CAPS2: variants seen among roughly 807,000 people sequenced by gnomAD.
CAPS2 encodes calcyphosin-2.
CAPS2 carries 98 observed loss-of-function variants against 86.5 expected under a neutral mutation model. That is an observed-to-expected ratio of 1.13 (90% CI 0.96 to 1.34). CAPS2 has a LOEUF of 1.34. Ranked by LOEUF, CAPS2 falls within the 40% of genes most tolerant of loss-of-function variation. The pLI is 0.00. For synonymous variants in CAPS2, 210 were observed against 225.1 expected, an observed-to-expected ratio of 0.93 and a Z score of 0.60; for missense variants, 729 against 686.8, an observed-to-expected ratio of 1.06 and a Z score of -0.69.
At chr12:75,292,089 C>T (rs1044153223) in intron 12 of CAPS2, among the ~76,000 whole-genome samples, 1 of 152,082 alleles carries the variant, frequency 6.6e-6, no homozygotes, top group Non-Finnish European at 1.5e-5. Flanking sequence ...GTTTTTGAGA[C>T]AGAGTCTCGC....
intron 14 of CAPS2, 93 bp from the exon 15 acceptor site, chr12:75,285,173 C>T: frequency 8.4e-7 from 1 of 1,190,784 alleles, no homozygotes; most frequent in East Asian, 2.6e-5. Context: ...CTTCTGTAGT[C>T]CTAGATATAA....
At chr12:75,389,237 ATGATTCATC>A (rs1422826718) in intron 1 of CAPS2, among the ~76,000 whole-genome samples, 2 of 152,224 alleles carry the variant, frequency 1.3e-5, no homozygotes, top group East Asian at 3.8e-4. Flanking sequence ...TAACTGTTTG[ATGATTCATC>A]TGTGTCACCT....
At chr12:75,307,921 A>G (rs1169451556) in intron 7 of CAPS2, among the ~76,000 whole-genome samples, 1 of 152,182 alleles carries the variant, frequency 6.6e-6, no homozygotes, top group Non-Finnish European at 1.5e-5. Flanking sequence ...CCTAAGGTCC[A>G]TTCACACTGA....
chr12:75,277,661 G>A (rs1424682717), exon 17 of CAPS2: 2 of 983,730 alleles, frequency 2.0e-6, no homozygotes, highest in Non-Finnish European at 2.4e-6. Context: ...GGGTTCACAT[G>A]TATCACACTT....
rs61148076 is a variant in CAPS2 at position 75,337,024 on chromosome 12, A to G, written c.-394-13802T>C. ...AAATGGTCCATAAGTTAAAGAATAA[A>G]TAATAATAGAGATTACTATAATTTA... On this transcript the variant is annotated intron_variant, in intron 1 of 5. Coordinates refer to the CAPS2 transcript ENST00000551829. Among the ~76,000 whole-genome samples, 62 of 151,960 alleles carry G rather than the reference A, an allele frequency of 4.1e-4. No homozygotes were observed. The East Asian group carries it at 0.01, about 25-fold the overall frequency.
At chr12:75,282,960 T>C (rs181566258) in intron 15 of CAPS2, among the ~76,000 whole-genome samples, 2 of 152,194 alleles carry the variant, frequency 1.3e-5, no homozygotes, top group East Asian at 1.9e-4. Context: ...ACTGAAGAGA[T>C]GGGTAAAAGA....
chr12:75,288,024 C>T (rs2035203049), intron 14 of CAPS2, among the ~76,000 whole-genome samples: 2 of 152,166 alleles, frequency 1.3e-5, no homozygotes, highest in African/African-American at 4.8e-5. Flanking sequence ...GTGGAACCCC[C>T]ACAAGCATTT....
intron 12 of CAPS2, among the ~76,000 whole-genome samples, chr12:75,293,031 A>G (rs1290628462): frequency 6.6e-6 from 1 of 152,090 alleles, no homozygotes; most frequent in Non-Finnish European, 1.5e-5. Context: ...ATAAAATTGA[A>G]TATTTTCAAA....
chr12:75,306,254 C>CT (rs2038480704), intron 7 of CAPS2: 2 of 638,192 alleles, frequency 3.1e-6, no homozygotes, highest in South Asian at 3.5e-5. Context: ...CATGGAGTTC[C>CT]TGGCCAGGCA....
chr12:75,297,648 C>T (rs1222369494), intron 11 of CAPS2, among the ~76,000 whole-genome samples: 2 of 152,142 alleles, frequency 1.3e-5, no homozygotes, highest in South Asian at 4.1e-4. Flanking sequence ...CCAGTGACTC[C>T]CCAATACATG....
Position 75,366,749 on chromosome 12 carries a change from T to A in CAPS2, c.-395+24089A>T. On this transcript the variant is annotated intron_variant, in intron 1 of 5. Transcript: ENST00000551829. ...GGGTGAGACTGCAGTGTTTTACCAATGAGTCATTTCCACGCTCTTATGTGT... is the reference window on the plus strand; with the variant it reads ...GGGTGAGACTGCAGTGTTTTACCAAAGAGTCATTTCCACGCTCTTATGTGT... The A allele has an allele frequency of 6.4e-6, 4 of 625,726 alleles. No individual in the cohort carries two copies. The East Asian group carries it at 1.1e-4, about 17-fold the overall frequency. 38.8% of individuals were successfully genotyped at this position (625,726 alleles called of 1,614,324 possible).
At chr12:75,357,431 T>C (rs2043224601) in intron 1 of CAPS2, among the ~76,000 whole-genome samples, 1 of 152,148 alleles carries the variant, frequency 6.6e-6, no homozygotes, top group Non-Finnish European at 1.5e-5. Flanking sequence ...GTATTTCAAT[T>C]ATCCCATTTG....
chr12:75,304,402 T>C (rs1038254971), intron 8 of CAPS2, among the ~76,000 whole-genome samples: 3 of 152,128 alleles, frequency 2.0e-5, no homozygotes, highest in Non-Finnish European at 2.9e-5. Context: ...AAAACAAATC[T>C]TATAGTCAAC....
Position 75,389,943 on chromosome 12 carries a change from G to A in CAPS2, c.-395+895C>T, listed in dbSNP as rs1701989557. 2.0e-5 allele frequency among the ~76,000 whole-genome samples: 3 copies of A among 152,106 alleles called. No homozygotes were observed. The South Asian group carries it at 6.2e-4, about 32-fold the overall frequency. ...TGCAGTCATAGTAGTAAGTATTCAA[G>A]GGCATAAATGAAACCATCTTACATA... On this transcript the variant is annotated intron_variant, in intron 1 of 5. Coordinates refer to the CAPS2 transcript ENST00000551829.
At chr12:75,334,587 G>T, upstream of CAPS2, 1 of 1,447,738 alleles carries the variant, frequency 6.9e-7, no homozygotes, top group Non-Finnish European at 9.1e-7. Context: ...CTGACAAGTT[G>T]ATCCAGCCGC....
intron 1 of CAPS2, among the ~76,000 whole-genome samples, chr12:75,342,957 T>A (rs1463641850): frequency 8.6e-6 from 1 of 116,534 alleles, no homozygotes; most frequent in Non-Finnish European, 1.9e-5. Flanking sequence ...TATAGATATA[T>A]AATAGATTTT....
Position 75,353,644 on chromosome 12 carries a change from T to A in CAPS2, c.-394-30422A>T, listed in dbSNP as rs190728469. 4.7e-3 allele frequency among the ~76,000 whole-genome samples: 713 copies of A among 152,292 alleles called. 2 individuals carry two copies. The highest frequency in any genetic ancestry group is 7.8e-3 in the Non-Finnish European group (531 of 68,026). ...GAGGGACTCCTCCCTAACCATTTTA[T>A]GAGGCCAGCATCATCCTGATACCAA... On this transcript the variant is annotated intron_variant, in intron 1 of 5. Coordinates refer to the CAPS2 transcript ENST00000551829.
chr12:75,321,653 C>T (rs2040313838), intron 4 of CAPS2, 77 bp from the exon 5 acceptor site: 1 of 1,014,712 alleles, frequency 9.9e-7, no homozygotes, highest in Non-Finnish European at 1.5e-6. Context: ...ACAGGTTTAC[C>T]TCTTACCTTA....
chr12:75,387,824 T>C (rs1162167229), intron 1 of CAPS2, among the ~76,000 whole-genome samples: 1 of 152,174 alleles, frequency 6.6e-6, no homozygotes, highest in African/African-American at 2.4e-5. Flanking sequence ...TACTGTTACA[T>C]TGGGGATTAA....
Sources: allele counts gnomAD v4.1 joint callset (sites outside exome capture counted in the v4.1 genomes callset), GRCh38; gene constraint gnomAD v4.1.1; transcripts MANE v1.5; gene names NCBI Gene and HGNC (gene_info 2026-07-23, HGNC 2026-07-21).